GOLM1: variants seen among roughly 807,000 people sequenced by gnomAD.
GOLM1 encodes golgi membrane protein 1.
In GOLM1, 31 loss-of-function variants were observed where a neutral mutation model predicts 50.5. The ratio of observed to expected loss-of-function variants is 0.61; its 90% CI spans 0.46 to 0.83. GOLM1 has a LOEUF of 0.83. GOLM1 is among the 40% of genes least tolerant of loss of function. GOLM1 has a pLI of 0.00. For synonymous variants in GOLM1, 178 were observed against 192.8 expected, an observed-to-expected ratio of 0.92 and a Z score of 0.64; for missense variants, 491 against 501.3, an observed-to-expected ratio of 0.98 and a Z score of 0.20.
intron 1 of GOLM1, among the ~76,000 whole-genome samples, chr9:86,094,164 GT>G (rs35694231): frequency 0.49 from 73,721 of 149,626 alleles, 18,838 homozygotes; most frequent in Non-Finnish European, 0.58. Context: ...TCCGGGCCTG[GT>G]TTTTTTTTTT....
intron 6 of GOLM1, 87 bp downstream of exon 6, chr9:86,040,652 G>C: frequency 7.6e-7 from 1 of 1,313,732 alleles, no homozygotes; most frequent in Non-Finnish European, 1.1e-6. Flanking sequence ...GCAGAATCCA[G>C]AGAAAGCCAG....
At chr9:86,031,082 C>T (rs1004038935) in intron 9 of GOLM1, among the ~76,000 whole-genome samples, 9 of 152,036 alleles carry the variant, frequency 5.9e-5, no homozygotes, top group African/African-American at 1.2e-4. Context: ...TGGTGGCGTG[C>T]GCCTCTAATC....
chr9:86,074,904 A>C (rs1254940634), intron 3 of GOLM1, among the ~76,000 whole-genome samples: 1 of 152,060 alleles, frequency 6.6e-6, no homozygotes. Flanking sequence ...TCATGGTTTC[A>C]ATTTGGGAGG....
chr9:86,074,461 C>T (rs111241195), intron 3 of GOLM1, among the ~76,000 whole-genome samples: 6 of 152,336 alleles, frequency 3.9e-5, no homozygotes, highest in African/African-American at 1.2e-4. Flanking sequence ...AGCTTCAGCA[C>T]TGACCAACTC....
chr9:86,093,867 C>T (rs1034954803), intron 1 of GOLM1, among the ~76,000 whole-genome samples: 1 of 152,162 alleles, frequency 6.6e-6, no homozygotes, highest in Non-Finnish European at 1.5e-5. Context: ...TAGGAGCAAT[C>T]GCGTCAGATT....
At chr9:86,098,663 A>G (rs1835426519) in intron 1 of GOLM1, among the ~76,000 whole-genome samples, 1 of 152,278 alleles carries the variant, frequency 6.6e-6, no homozygotes, top group Non-Finnish European at 1.5e-5. Flanking sequence ...AATTTCATCA[A>G]AATTGTTATT....
intron 5 of GOLM1, among the ~76,000 whole-genome samples, chr9:86,045,236 A>AGCTACTCAGGAGGCTACTCAGGAG (rs1833498988): frequency 6.6e-6 from 1 of 151,802 alleles, no homozygotes; most frequent in African/African-American, 2.4e-5. Flanking sequence ...CTGTAGTCCC[A>AGCTACTCAGGAGGCTACTCAGGAG]GCTACTCAGG....
chr9:86,073,144 G>A (rs1020976330), intron 3 of GOLM1, among the ~76,000 whole-genome samples: 1 of 151,836 alleles, frequency 6.6e-6, no homozygotes, highest in Non-Finnish European at 1.5e-5. Flanking sequence ...ATTTTTAAAA[G>A]TGTAATTCTG....
chr9:86,088,869 C>T (rs1835082213), intron 1 of GOLM1, among the ~76,000 whole-genome samples: 6 of 152,112 alleles, frequency 3.9e-5, no homozygotes, highest in Admixed American at 3.9e-4. Flanking sequence ...ATGGTCTTTA[C>T]AATTTGGTAC....
intron 4 of GOLM1, among the ~76,000 whole-genome samples, chr9:86,049,062 G>T (rs901799777): frequency 1.3e-5 from 2 of 152,188 alleles, no homozygotes; most frequent in Non-Finnish European, 2.9e-5. Flanking sequence ...TAAGGTGTAA[G>T]GAAGGGATCC....
intron 9 of GOLM1, among the ~76,000 whole-genome samples, chr9:86,031,147 T>A (rs1020466662): frequency 1.3e-5 from 2 of 151,548 alleles, no homozygotes; most frequent in African/African-American, 2.4e-5. Flanking sequence ...GAGGCAGAGG[T>A]TGCAGTGAGC....
intron 4 of GOLM1, among the ~76,000 whole-genome samples, chr9:86,052,146 G>C (rs1833773920): frequency 6.6e-6 from 1 of 152,164 alleles, no homozygotes; most frequent in African/African-American, 2.4e-5. Context: ...GCGGCAAAGA[G>C]GGGGAATTAA....
At chr9:86,036,174 G>A (rs932117396) in intron 7 of GOLM1, among the ~76,000 whole-genome samples, 174 bp downstream of exon 7, 1 of 152,114 alleles carries the variant, frequency 6.6e-6, no homozygotes, top group African/African-American at 2.4e-5. Context: ...ACAAGGAGGA[G>A]ACATCTGTCA....
intron 6 of GOLM1, chr9:86,036,771 C>T (rs546000683): frequency 5.6e-5 from 25 of 450,342 alleles, no homozygotes; most frequent in African/African-American, 1.2e-4. Flanking sequence ...GAAGCATTTA[C>T]GGAATAATAA....
At chr9:86,036,057 G>A (rs1833132169) in intron 7 of GOLM1, among the ~76,000 whole-genome samples, 1 of 151,500 alleles carries the variant, frequency 6.6e-6, no homozygotes, top group Admixed American at 6.6e-5. Flanking sequence ...CCCAGTGTCT[G>A]GGGCTCAGCC....
At chr9:86,061,637 AC>A (rs1563960283) in intron 3 of GOLM1, among the ~76,000 whole-genome samples, 1 of 152,168 alleles carries the variant, frequency 6.6e-6, no homozygotes, top group Non-Finnish European at 1.5e-5. Context: ...GCTTCGTTTA[AC>A]TTCTCTGTGC....
intron 6 of GOLM1, among the ~76,000 whole-genome samples, chr9:86,038,596 A>C (rs1365515033): frequency 2.0e-5 from 3 of 152,182 alleles, no homozygotes; most frequent in Non-Finnish European, 4.4e-5. Flanking sequence ...CAAGGGACTC[A>C]GGCTCACTAA....
chr9:86,036,230 C>T, intron 7 of GOLM1, 118 bp downstream of exon 7: 1 of 1,002,792 alleles, frequency 1.0e-6, no homozygotes, highest in East Asian at 2.4e-5. Flanking sequence ...GAGACACGTC[C>T]CTGCTCCTGG....
At chr9:86,071,078 TACACACAC>T (rs58612344) in intron 3 of GOLM1, among the ~76,000 whole-genome samples, 12 of 148,222 alleles carry the variant, frequency 8.1e-5, no homozygotes, top group African/African-American at 1.3e-4. Flanking sequence ...TATATACATG[TACACACAC>T]ACACACACAC....
Sources: gnomAD v4.1 joint callset for allele counts (sites outside exome capture counted in the v4.1 genomes callset) on GRCh38, gnomAD v4.1.1 for gene constraint, MANE v1.5 for transcripts, NCBI Gene and HGNC (gene_info 2026-07-23, HGNC 2026-07-21) for gene names.